PCDH11Y: variants seen among roughly 807,000 people sequenced by gnomAD.
The protein encoded by PCDH11Y is protocadherin-11 Y-linked.
For synonymous variants in PCDH11Y, 9 were observed against 83.6 expected (o/e 0.11, Z 4.87); for missense variants, 12 against 224.8 (o/e 0.05, Z 6.05).
At chrY:5,192,502 G>T (rs2052913660) in intron 2 of PCDH11Y, among the ~76,000 whole-genome samples, 1 of 33,191 alleles carries the variant, frequency 3.0e-5, no homozygotes, top group Non-Finnish European at 7.4e-5. Flanking sequence ...AAATAATACT[G>T]CTTGTTATAA....
At chrY:5,455,499 T>C (rs2053297425) in intron 2 of PCDH11Y, among the ~76,000 whole-genome samples, 1 of 33,463 alleles carries the variant, frequency 3.0e-5, no homozygotes, top group Non-Finnish European at 7.4e-5. Flanking sequence ...ACCCACTCCT[T>C]GGTACAAAAA....
At chrY:5,468,451 T>A in intron 2 of PCDH11Y, among the ~76,000 whole-genome samples, 2 of 32,523 alleles carry the variant, frequency 6.1e-5, no homozygotes, top group Non-Finnish European at 1.5e-4. Flanking sequence ...ATAATGAAGA[T>A]TGGCATCATG....
At chrY:5,428,901 T>A (rs2124680320) in intron 2 of PCDH11Y, among the ~76,000 whole-genome samples, 1 of 33,011 alleles carries the variant, frequency 3.0e-5, no homozygotes, top group South Asian at 6.8e-4. Context: ...CAGGGCTGCA[T>A]ATCAACATAG....
chrY:5,073,644 G>T (rs2052704133), intron 1 of PCDH11Y, among the ~76,000 whole-genome samples: 1 of 30,343 alleles, frequency 3.3e-5, no homozygotes, highest in Non-Finnish European at 7.9e-5. Flanking sequence ...CACCATGTTG[G>T]CCAGGCTGGT....
chrY:5,326,193 A>T, intron 2 of PCDH11Y, among the ~76,000 whole-genome samples: 3 of 32,978 alleles, frequency 9.1e-5, no homozygotes, highest in African/African-American at 3.6e-4. Flanking sequence ...ATGACTGCGG[A>T]GGCCTTCTCA....
At chrY:5,686,594 T>C (rs2053563296) in intron 4 of PCDH11Y, among the ~76,000 whole-genome samples, 1 of 33,587 alleles carries the variant, frequency 3.0e-5, no homozygotes, top group Non-Finnish European at 7.4e-5. Flanking sequence ...AAATCATTCA[T>C]GATTTGGCTC....
At chrY:5,440,758 T>TAGAG (rs769163370) in intron 2 of PCDH11Y, among the ~76,000 whole-genome samples, 1 of 14,614 alleles carries the variant, frequency 6.8e-5, no homozygotes, top group Non-Finnish European at 1.5e-4. Flanking sequence ...TATATATATA[T>TAGAG]AGAGAGAGAG....
rs2053006496 is a variant in PCDH11Y at position 5,253,566 on chromosome Y, C to CA, written c.3129+152859_3129+152860insA. Reference sequence around the variant, plus strand: ...CACACACTCTTGGTTTTGCCATTTTCTTGTCTTTTTGTTGGGCCAGAAGGA... The same window carrying CA: ...CACACACTCTTGGTTTTGCCATTTTCATTGTCTTTTTGTTGGGCCAGAAGGA... On this transcript the variant is annotated intron_variant, in intron 2 of 4. Transcript: ENST00000400457. Among the ~76,000 whole-genome samples, 11 of 31,181 alleles carry CA rather than the reference C, an allele frequency of 3.5e-4. No homozygotes were observed. The South Asian group carries it at 8.3e-3, about 24-fold the overall frequency. 83.7% of individuals were successfully genotyped at this position (31,181 alleles called of 37,273 possible). A position where few individuals can be genotyped will look rare whatever the true frequency, so the allele number is the denominator to read the frequency against.
intron 4 of PCDH11Y, among the ~76,000 whole-genome samples, chrY:5,667,367 A>AT (rs2053545677): frequency 3.4e-5 from 1 of 29,416 alleles, no homozygotes; most frequent in South Asian, 8.1e-4. Context: ...CTGCAATTCT[A>AT]TTTTTTTTAA....
At chrY:5,087,020 A>G (rs2052731878) in intron 1 of PCDH11Y, among the ~76,000 whole-genome samples, 1 of 33,628 alleles carries the variant, frequency 3.0e-5, no homozygotes, top group Non-Finnish European at 7.4e-5. Context: ...GTGGGTACAG[A>G]GGTGCCATCT....
At chrY:5,434,611 G>A in intron 2 of PCDH11Y, among the ~76,000 whole-genome samples, 2 of 30,999 alleles carry the variant, frequency 6.5e-5, no homozygotes, top group Admixed American at 3.0e-4. Flanking sequence ...ATAATATGAA[G>A]GATATATTAT....
chrY:5,372,478 T>C (rs2053188412), intron 2 of PCDH11Y, among the ~76,000 whole-genome samples: 1 of 32,566 alleles, frequency 3.1e-5, no homozygotes, highest in Non-Finnish European at 7.6e-5. Flanking sequence ...GTCTTTCTAA[T>C]ATCCAGCAGA....
chrY:5,179,175 C>T (rs2052897163), intron 2 of PCDH11Y, among the ~76,000 whole-genome samples: 1 of 32,998 alleles, frequency 3.0e-5, no homozygotes, highest in African/African-American at 1.2e-4. Flanking sequence ...ATGGTATTTC[C>T]GCCTCTAGGT....
chrY:5,519,962 C>T (rs1447257900), intron 3 of PCDH11Y, among the ~76,000 whole-genome samples: 27 of 22,610 alleles, frequency 1.2e-3, no homozygotes, highest in Non-Finnish European at 2.0e-4. Flanking sequence ...GCCTGTAATC[C>T]CAGCACTTTG....
intron 1 of PCDH11Y, among the ~76,000 whole-genome samples, chrY:5,001,031 T>C: frequency 3.0e-5 from 1 of 33,391 alleles, no homozygotes; most frequent in Non-Finnish European, 7.4e-5. Flanking sequence ...CTCGCCCGGC[T>C]GAGAGATTGG....
chrY:5,340,080 C>A, intron 2 of PCDH11Y, among the ~76,000 whole-genome samples: 2 of 32,342 alleles, frequency 6.2e-5, no homozygotes, highest in African/African-American at 2.4e-4. Context: ...AGCCGAAGAG[C>A]TAGGAAGCCA....
intron 2 of PCDH11Y, among the ~76,000 whole-genome samples, chrY:5,489,656 G>T (rs2053336503): frequency 3.1e-5 from 1 of 32,708 alleles, no homozygotes; most frequent in East Asian, 8.0e-4. Context: ...TACAAAGAGG[G>T]TATATGAGCA....
downstream of PCDH11Y, among the ~76,000 whole-genome samples, chrY:5,108,186 C>T (rs2124638317): frequency 3.1e-5 from 1 of 32,441 alleles, no homozygotes; most frequent in Admixed American, 2.8e-4. Flanking sequence ...ACTTTCTCCC[C>T]TGCAAGCACT....
intron 2 of PCDH11Y, among the ~76,000 whole-genome samples, chrY:5,192,876 G>A: frequency 9.1e-5 from 3 of 33,006 alleles, no homozygotes; most frequent in Admixed American, 2.8e-4. Context: ...TAGGATGAAA[G>A]GTTAAGTTTT....
Sources: gnomAD v4.1 joint callset for allele counts (sites outside exome capture counted in the v4.1 genomes callset) on GRCh38, gnomAD v4.1.1 for gene constraint, MANE v1.5 for transcripts, NCBI Gene and HGNC (gene_info 2026-07-23, HGNC 2026-07-21) for gene names.